Variants in KCNJ4 observed in about 807,000 individuals in gnomAD.
The protein encoded by KCNJ4 is inward rectifier potassium channel 4.
A neutral mutation model predicts 25.6 loss-of-function variants in KCNJ4; 3 were observed. That is an observed-to-expected ratio of 0.12 (90% CI 0.05 to 0.30). The LOEUF (loss-of-function observed/expected upper bound fraction) is 0.30. Ranked by LOEUF, KCNJ4 falls within the 10% of genes least tolerant of loss-of-function variation. KCNJ4 has a pLI of 1.00. For synonymous variants in KCNJ4, 257 were observed against 283.9 expected (o/e 0.91, Z 0.95); for missense variants, 286 against 666.8 (o/e 0.43, Z 6.29).
chr22:38,430,274 G>T (rs1022089194), intron 1 of KCNJ4, among the ~76,000 whole-genome samples: 5 of 152,188 alleles, frequency 3.3e-5, no homozygotes, highest in African/African-American at 9.7e-5. Flanking sequence ...AGGCCGAGGC[G>T]GGTGGATCAC....
At chr22:38,452,233 T>C (rs946291064) in intron 1 of KCNJ4, among the ~76,000 whole-genome samples, 2 of 152,178 alleles carry the variant, frequency 1.3e-5, no homozygotes, top group African/African-American at 4.8e-5. Context: ...CCGTTCTCTA[T>C]ACAGATGTGG....
Position 38,426,936 on chromosome 22 carries a change from TGCGGCCACC to T in KCNJ4, c.1188_1196del (p.Val397_Ala399del), listed in dbSNP as rs1569117547. On this transcript the variant is annotated inframe_deletion, in exon 2 of 2. Coordinates refer to ENST00000303592, the MANE Select transcript of KCNJ4 (RefSeq NM_152868.3). ...TGGAACCCGCCTCCAGGCCCAGGCC[TGCGGCCACC>T]GCGGCCGCCGCAGCTGCCTCCTCCT... 1.2e-6 allele frequency: 2 copies of T among 1,612,506 alleles called. No homozygotes were observed. The highest frequency in any genetic ancestry group is 1.7e-5 in the Admixed American group (1 of 59,994).
At chr22:38,452,504 G>A (rs2145950694) in intron 1 of KCNJ4, among the ~76,000 whole-genome samples, 1 of 152,294 alleles carries the variant, frequency 6.6e-6, no homozygotes, top group South Asian at 2.1e-4. Flanking sequence ...TTGAGGGCTG[G>A]CCACTTGCCC....
In KCNJ4 at chr22:38,427,379, G is replaced by A. The variant is rs1175555242; in HGVS notation, c.754C>T (p.Arg252Cys). ...ATGATGGGCGACACCAGGAAGATGC[G>A]GTCCAGGCCGATGTCATAGCCCACG... ...LNVGYDIGLDRIFLVSPIIIV... is the reference protein window; with the variant it reads ...LNVGYDIGLDCIFLVSPIIIV... The change falls in exon 2 of 2, where the codon CGC becomes TGC. Residue 252 changes from arginine (R) to cysteine (C), a missense_variant. This residue lies in a region of KCNJ4 where 39 missense variants were observed against 100.9 expected (regional missense o/e 0.39). Transcript: ENST00000303592. 2.5e-6 allele frequency: 4 copies of A among 1,614,028 alleles called. No homozygotes were observed. Among genetic ancestry groups the A allele is most frequent in the Admixed American group, 1.7e-5 (1 of 60,010 alleles).
intron 1 of KCNJ4, among the ~76,000 whole-genome samples, chr22:38,441,694 C>T (rs950180400): frequency 1.3e-4 from 20 of 152,144 alleles, no homozygotes; most frequent in African/African-American, 4.8e-4. Flanking sequence ...GGGCTGAGTT[C>T]GAGCCCCACT....
At position 38,428,246 on chromosome 22, in the gene KCNJ4, A is replaced by G. The variant is rs1412413015; in HGVS notation, c.-39-75T>C. On this transcript the variant is annotated intron_variant, in intron 1 of 1. Coordinates refer to ENST00000303592, the MANE Select transcript of KCNJ4 (RefSeq NM_152868.3). ...CTCGGGGCCACTCAGACTCAGCCCC[A>G]AGACTCTCAGAAGCAGGTGAGCCTG... The G allele has an allele frequency of 3.3e-5, 44 of 1,340,530 alleles. No individual in the cohort carries two copies. In the East Asian group the frequency reaches 9.7e-4, roughly 30 times the overall value. 83.0% of individuals were successfully genotyped at this position (1,340,530 alleles called of 1,614,324 possible). A position where few individuals can be genotyped will look rare whatever the true frequency, so the allele number is the denominator to read the frequency against.
At chr22:38,451,874 G>C (rs1049917750) in intron 1 of KCNJ4, among the ~76,000 whole-genome samples, 3 of 152,200 alleles carry the variant, frequency 2.0e-5, no homozygotes, top group Non-Finnish European at 4.4e-5. Context: ...GAAGGCATCA[G>C]ACCAGTGATT....
Position 38,426,834 on chromosome 22 carries a change from CG to C in KCNJ4, c.1298del (p.Pro433ArgfsTer92). 6.2e-7 allele frequency: 1 copy of C among 1,613,164 alleles called. No homozygotes were observed. The highest frequency in any genetic ancestry group is 8.5e-7 in the Non-Finnish European group (1 of 1,179,770). On this transcript the variant is annotated frameshift_variant, in exon 2 of 2. Coordinates refer to ENST00000303592, the MANE Select transcript of KCNJ4 (RefSeq NM_152868.3). LOFTEE classifies it high-confidence loss of function. ...LDLERMQASL[P>X]LDNISYRRES... ...CCCTGCGGTAGGAGATGTTGTCCAGCGGGAGGGAAGCCTGCATGCGCTCCAG... is the reference window on the plus strand; with the variant it reads ...CCCTGCGGTAGGAGATGTTGTCCAGCGGAGGGAAGCCTGCATGCGCTCCAG...
chr22:38,453,857 A>T (rs978412815), intron 1 of KCNJ4, among the ~76,000 whole-genome samples: 1 of 151,882 alleles, frequency 6.6e-6, no homozygotes, highest in African/African-American at 2.4e-5. Flanking sequence ...AGCCCTTCCA[A>T]CTCCAGTTGG....
At chr22:38,444,586 TG>T (rs1455269078) in intron 1 of KCNJ4, among the ~76,000 whole-genome samples, 1 of 151,994 alleles carries the variant, frequency 6.6e-6, no homozygotes, top group East Asian at 1.9e-4. Flanking sequence ...CACCCAGGGA[TG>T]GGTGGCAGGG....
intron 1 of KCNJ4, among the ~76,000 whole-genome samples, chr22:38,440,812 G>A (rs544494206): frequency 2.2e-4 from 33 of 152,310 alleles, no homozygotes; most frequent in African/African-American, 5.1e-4. Context: ...GGGGGTTGTC[G>A]AGAGTGGCCT....
At chr22:38,441,808 T>C (rs2089336629) in intron 1 of KCNJ4, among the ~76,000 whole-genome samples, 1 of 152,170 alleles carries the variant, frequency 6.6e-6, no homozygotes, top group Admixed American at 6.5e-5. Context: ...ATGAGCAGCC[T>C]TGCCTTCAGC....
chr22:38,430,061 G>A (rs1422587396), intron 1 of KCNJ4, among the ~76,000 whole-genome samples: 3 of 150,192 alleles, frequency 2.0e-5, no homozygotes, highest in Non-Finnish European at 4.4e-5. Context: ...CCTCCCCCGC[G>A]GTCACCCACC....
At chr22:38,436,970 C>T (rs369863654) in intron 1 of KCNJ4, among the ~76,000 whole-genome samples, 4 of 152,322 alleles carry the variant, frequency 2.6e-5, no homozygotes, top group South Asian at 2.1e-4. Flanking sequence ...AGTCCTACTA[C>T]GTGCCAGGTT....
intron 1 of KCNJ4, among the ~76,000 whole-genome samples, chr22:38,429,710 T>A (rs1395482605): frequency 6.6e-6 from 1 of 152,128 alleles, no homozygotes; most frequent in Non-Finnish European, 1.5e-5. Context: ...AGGACAGACC[T>A]TCTCTCCACC....
chr22:38,450,867 C>T lies in KCNJ4; in HGVS notation c.-40+4113G>A, dbSNP rs1174254427. ...GCTGTGGGGGCGTCTAGACCATCTC[C>T]TGCCAAGCCCCAGCCCCAGGGAGGA... On this transcript the variant is annotated intron_variant, in intron 1 of 1. Transcript: ENST00000303592. Among the ~76,000 whole-genome samples, 5 of 152,280 alleles carry T rather than the reference C, an allele frequency of 3.3e-5. No homozygotes were observed. In the East Asian group the frequency reaches 9.7e-4, roughly 29 times the overall value.
intron 1 of KCNJ4, among the ~76,000 whole-genome samples, chr22:38,447,158 G>T (rs1382040390): frequency 6.6e-6 from 1 of 152,058 alleles, no homozygotes; most frequent in East Asian, 1.9e-4. Flanking sequence ...GGAGGGGGAG[G>T]TGGGCCACTC....
intron 1 of KCNJ4, among the ~76,000 whole-genome samples, chr22:38,432,736 AG>A (rs1398203382): frequency 6.6e-6 from 1 of 152,150 alleles, no homozygotes; most frequent in African/African-American, 2.4e-5. Context: ...TGGGAGGCAG[AG>A]GCAGGCGGAT....
chr22:38,430,171 G>A (rs1044564699), intron 1 of KCNJ4, among the ~76,000 whole-genome samples: 4 of 152,196 alleles, frequency 2.6e-5, no homozygotes, highest in Non-Finnish European at 5.9e-5. Flanking sequence ...TGACTTGGGC[G>A]AGCTGTTGAC....
Sources: allele counts gnomAD v4.1 joint callset (sites outside exome capture counted in the v4.1 genomes callset), GRCh38; gene constraint gnomAD v4.1.1; regional missense constraint gnomAD v4.1.1; transcripts MANE v1.5; gene names NCBI Gene and HGNC (gene_info 2026-07-23, HGNC 2026-07-21).